Variants in CDC37 observed in about 807,000 individuals in gnomAD.
The protein encoded by CDC37 is hsp90 co-chaperone Cdc37.
In CDC37, 9 loss-of-function variants were observed where a neutral mutation model predicts 46.9. The ratio of observed to expected loss-of-function variants is 0.19; its 90% CI spans 0.12 to 0.33. The LOEUF is 0.33. Ranked by LOEUF, CDC37 falls within the 10% of genes least tolerant of loss-of-function variation. CDC37 has a pLI of 1.00. For synonymous variants in CDC37, 193 were observed against 191.0 expected, an observed-to-expected ratio of 1.01 and a Z score of -0.09; for missense variants, 388 against 514.6, an observed-to-expected ratio of 0.75 and a Z score of 2.38.
chr19:10,391,831 G>C, intron 7 of CDC37, 125 bp from the exon 8 acceptor site: 2 of 939,334 alleles, frequency 2.1e-6, no homozygotes, highest in Non-Finnish European at 3.1e-6. Context: ...TTGAGACGGA[G>C]TCTCACTCTG....
In CDC37 at chr19:10,395,361, C is replaced by A; in HGVS notation, c.488-18G>T. The A allele has an allele frequency of 6.2e-7, 1 of 1,612,370 alleles. No homozygotes were observed. Among genetic ancestry groups the A allele is most frequent in the Non-Finnish European group, 8.5e-7 (1 of 1,178,338 alleles). ...AAGCATGCCTGTGGGAAGATGCTGG[C>A]AAGGTGCTGGAGGGCCCTGGAGGCA... On this transcript the variant is annotated intron_variant, in intron 3 of 7. Coordinates refer to ENST00000222005, the MANE Select transcript of CDC37 (RefSeq NM_007065.4).
In CDC37 at chr19:10,403,429, G is replaced by A. The variant is rs769400945; in HGVS notation, c.51C>T (p.Asp17=). 3.7e-6 allele frequency: 6 copies of A among 1,613,500 alleles called. No homozygotes were observed. Among genetic ancestry groups the A allele is most frequent in the Non-Finnish European group, 4.2e-6 (5 of 1,179,928 alleles). Reference sequence around the variant, plus strand: ...CCGTGTCGATGTTGGGGTGCGTCTCGTCTTCATCATCAGACACCTCAATGT... The same window carrying A: ...CCGTGTCGATGTTGGGGTGCGTCTCATCTTCATCATCAGACACCTCAATGT... ...WDHIEVSDDE[D]ETHPNIDTAS... The change falls in exon 1 of 8, where the codon GAC becomes GAT. Residue 17 remains aspartate, a synonymous_variant. Transcript: ENST00000222005.
intron 1 of CDC37, among the ~76,000 whole-genome samples, chr19:10,400,246 G>A (rs564704371): frequency 1.3e-5 from 2 of 152,312 alleles, no homozygotes; most frequent in African/African-American, 4.8e-5. Flanking sequence ...CTGCCTTACA[G>A]TTAGGGAAAC....
At chr19:10,395,904 G>GGGCCC in intron 2 of CDC37, 24 bp downstream of exon 2, 76 of 1,541,870 alleles carry the variant, frequency 4.9e-5, no homozygotes, top group Non-Finnish European at 6.2e-5. Context: ...CATGCGCACT[G>GGGCCC]CCCGCCCCGC....
chr19:10,400,120 G>T (rs752882460), intron 1 of CDC37, among the ~76,000 whole-genome samples: 38 of 151,948 alleles, frequency 2.5e-4, no homozygotes, highest in Non-Finnish European at 5.1e-4. Context: ...TGGAGTTGGC[G>T]GGGGCGGCAG....
At chr19:10,403,331 G>A (rs2042530380) in intron 1 of CDC37, 47 bp downstream of exon 1, 1 of 1,439,824 alleles carries the variant, frequency 6.9e-7, no homozygotes, top group South Asian at 1.2e-5. Context: ...TCACAACTCC[G>A]AAGCGGGGTC....
chr19:10,391,471 G>C lies in CDC37; in HGVS notation c.*80C>G. 2 of 1,552,356 alleles carry C rather than the reference G, an allele frequency of 1.3e-6. No homozygotes were observed. The highest frequency in any genetic ancestry group is 1.1e-5 in the South Asian group (1 of 89,488). ...AGCGCAAGTAGAGGAAGTCAGGAGC[G>C]GGCGAGATGGCATCTATCTGTTTTC... On this transcript the variant is annotated 3_prime_UTR_variant, in exon 8 of 8. Transcript: ENST00000222005.
intron 7 of CDC37, among the ~76,000 whole-genome samples, chr19:10,392,455 G>C (rs927760164): frequency 3.9e-5 from 6 of 152,194 alleles, no homozygotes; most frequent in Admixed American, 1.3e-4. Context: ...AAACCAGTGT[G>C]ATCAACCAGT....
At position 10,396,138 on chromosome 19, in the gene CDC37, C is replaced by A; in HGVS notation, c.168G>T (p.Glu56Asp). The A allele has an allele frequency of 6.2e-7, 1 of 1,614,136 alleles. No individual in the cohort carries two copies. Among genetic ancestry groups the A allele is most frequent in the Non-Finnish European group, 8.5e-7 (1 of 1,180,008 alleles). Residue 56 changes from glutamate (E) to aspartate (D), a missense_variant, in exon 2 of 8, where the codon GAG (glutamate) becomes GAT (aspartate). Coordinates refer to ENST00000222005, the MANE Select transcript of CDC37 (RefSeq NM_007065.4). The surrounding 1 kb of genome is among the most constrained non-coding windows in gnomAD (Gnocchi z 5.9). ...GGCACTCGGCCACCTTGCGCTTGCACTCGCGGCAGCCCCTGTCCAGTTCCT... is the reference window on the plus strand; with the variant it reads ...GGCACTCGGCCACCTTGCGCTTGCAATCGCGGCAGCCCCTGTCCAGTTCCT... The part of the protein sequence containing the change: ...EKEELDRGCR[E>D]CKRKVAECQR...
rs1391684586 is a variant in CDC37 at position 10,391,607 on chromosome 19, C to T, written c.1081G>A (p.Asp361Asn). ...AKEGEEAGPG[D>N]PLLEAVPKTG... is the part of the protein sequence containing the mutation. Reference sequence around the variant, plus strand: ...TTGGGAACAGCTTCCAGTAATGGGTCCCCAGGACCTGCCTCCTCTCCCTCC... The same window carrying T: ...TTGGGAACAGCTTCCAGTAATGGGTTCCCAGGACCTGCCTCCTCTCCCTCC... Residue 361 changes from aspartate to asparagine, a missense_variant, in exon 8 of 8, where the codon GAC becomes AAC. Physicochemically the swap from Asp to Asn is conservative, Grantham distance 23. Coordinates refer to ENST00000222005, the MANE Select transcript of CDC37 (RefSeq NM_007065.4). 6.2e-7 allele frequency: 1 copy of T among 1,614,192 alleles called. No homozygotes were observed. Among genetic ancestry groups the T allele is most frequent in the South Asian group, 1.1e-5 (1 of 91,084 alleles).
rs2042468319 is a variant in CDC37, at chr19:10,393,277, G to C, written c.891C>G (p.Val297=). Residue 297 remains valine (V), a synonymous_variant, in exon 6 of 8, where the codon GTC becomes GTG. Transcript: ENST00000222005. This position sits in a 1 kb window ranked among gnomAD's most constrained non-coding sequence, Gnocchi z 4.9. ...LGPGGLDPVE[V]YESLPEELQK... ...GCCCCACCTCAGGGAGGGACTCGTA[G>C]ACCTCGACGGGGTCCAGGCCGCCGG... The C allele has an allele frequency of 6.2e-7, 1 of 1,613,014 alleles. No homozygotes were observed. The highest frequency in any genetic ancestry group is 8.5e-7 in the Non-Finnish European group (1 of 1,179,592).
rs771573668 is a variant in CDC37, at chr19:10,393,086, G to A, written c.981C>T (p.Thr327=). Residue 327 remains threonine (T), a splice_region_variant and synonymous_variant, in exon 7 of 8, where the codon ACC becomes ACT. Transcript: ENST00000222005. The surrounding 1 kb of genome is among the most constrained non-coding windows in gnomAD (Gnocchi z 4.9). ...GGCATGGGGCGCGGGGGTTACTCACGGTGGGGTCCATCTTGCTGATGGCGT... is the reference window on the plus strand; with the variant it reads ...GGCATGGGGCGCGGGGGTTACTCACAGTGGGGTCCATCTTGCTGATGGCGT... The part of the protein sequence containing the change: ...LQDAISKMDP[T]DAKYHMQRCI... The A allele has an allele frequency of 2.0e-5, 32 of 1,613,618 alleles. No homozygotes were observed. The highest frequency in any genetic ancestry group is 5.5e-5 in the South Asian group (5 of 91,078).
chr19:10,395,834 G>C (rs892535707), intron 2 of CDC37, 94 bp downstream of exon 2: 6 of 1,427,400 alleles, frequency 4.2e-6, no homozygotes, highest in Non-Finnish European at 5.8e-6. Flanking sequence ...CACCACCGGG[G>C]TCCTCCCCTG....
chr19:10,393,230 T>C lies in CDC37; in HGVS notation c.909+29A>G, dbSNP rs758291512. On this transcript the variant is annotated intron_variant, in intron 6 of 7. Coordinates refer to ENST00000222005, the MANE Select transcript of CDC37 (RefSeq NM_007065.4). This position sits in a 1 kb window ranked among gnomAD's most constrained non-coding sequence, Gnocchi z 4.9. Reference sequence around the variant, plus strand: ...TGGGGGGTCCCGCTCAGGGTCTTCCTGCTGCCCGCCTGGGCCGGGGAGCCC... The same window carrying C: ...TGGGGGGTCCCGCTCAGGGTCTTCCCGCTGCCCGCCTGGGCCGGGGAGCCC... The C allele has an allele frequency of 6.2e-6, 10 of 1,612,736 alleles. No individual in the cohort carries two copies. In the African/African-American group the frequency reaches 9.3e-5, roughly 15 times the overall value.
Position 10,393,507 on chromosome 19 carries a change from A to C in CDC37, c.727-66T>G. ...CTCAGGAGGGACTGGGGGGCCCAGG[A>C]CCCTCCAGCCACAGCTCCTCAGAGG... On this transcript the variant is annotated intron_variant, in intron 5 of 7. Transcript: ENST00000222005. The surrounding 1 kb of genome is among the most constrained non-coding windows in gnomAD (Gnocchi z 4.9). 6.5e-5 allele frequency: 96 copies of C among 1,483,364 alleles called. No homozygotes were observed. Among genetic ancestry groups the C allele is most frequent in the East Asian group, 9.3e-5 (4 of 43,196 alleles). 91.9% of individuals were successfully genotyped at this position (1,483,364 alleles called of 1,614,324 possible). A position where few individuals can be genotyped will look rare whatever the true frequency, so the allele number is the denominator to read the frequency against.
At chr19:10,400,712 G>A (rs1290335934) in intron 1 of CDC37, 2 of 152,028 alleles carry the variant, frequency 1.3e-5, no homozygotes, top group African/African-American at 4.8e-5. Context: ...AAAAAAGAGA[G>A]AGACAAGGTC....
Position 10,391,543 on chromosome 19 carries a change from G to T in CDC37, c.*8C>A. The T allele has an allele frequency of 6.2e-7, 1 of 1,614,150 alleles. No homozygotes were observed. Among genetic ancestry groups the T allele is most frequent in the Non-Finnish European group, 8.5e-7 (1 of 1,179,970 alleles). On this transcript the variant is annotated 3_prime_UTR_variant, in exon 8 of 8. Transcript: ENST00000222005. ...CTGGAAGCAGGTGGCGGTGGTAGCT[G>T]GGGCAGGTCACACACTGACATCCTT... is the stretch of plus-strand genomic sequence containing the variant.
At chr19:10,401,653 A>C (rs1360427171) in intron 1 of CDC37, among the ~76,000 whole-genome samples, 1 of 152,174 alleles carries the variant, frequency 6.6e-6, no homozygotes, top group African/African-American at 2.4e-5. Flanking sequence ...CAGGTACACT[A>C]CCCAGGAGAC....
rs569354747 is a variant in CDC37 at position 10,394,593 on chromosome 19, A to T, written c.726+428T>A. On this transcript the variant is annotated intron_variant, in intron 5 of 7. Coordinates refer to ENST00000222005, the MANE Select transcript of CDC37 (RefSeq NM_007065.4). ...CTCTTGTTGCCTAGGCTGAAGTGCA[A>T]TGGCACGATCTCGGCTCACAGCAAC... 4.6e-5 allele frequency among the ~76,000 whole-genome samples: 7 copies of T among 152,110 alleles called. No individual in the cohort carries two copies. In the East Asian group the frequency reaches 1.4e-3, roughly 29 times the overall value.
Sources: allele counts gnomAD v4.1 joint callset (sites outside exome capture counted in the v4.1 genomes callset), GRCh38; gene constraint gnomAD v4.1.1; non-coding constraint Gnocchi (gnomAD v3.1); transcripts MANE v1.5; gene names NCBI Gene and HGNC (gene_info 2026-07-23, HGNC 2026-07-21).